KIAA1217: variants seen among roughly 807,000 people sequenced by gnomAD.
The protein encoded by KIAA1217 is KIAA1217.
A neutral mutation model predicts 163.9 loss-of-function variants in KIAA1217; 88 were observed. That is an observed-to-expected ratio of 0.54 (90% CI 0.45 to 0.64). The LOEUF is 0.64. KIAA1217 is among the 30% of genes least tolerant of loss of function. KIAA1217 has a pLI of 0.00. For missense variants in KIAA1217, 2,372 were observed against 2,475.0 expected (o/e 0.96, Z 0.88); for synonymous variants, 903 against 923.1 (o/e 0.98, Z 0.39).
At chr10:23,810,581 AAT>A (rs1207841293) in intron 1 of KIAA1217, among the ~76,000 whole-genome samples, 9 of 128,754 alleles carry the variant, frequency 7.0e-5, no homozygotes, top group South Asian at 2.4e-4. Flanking sequence ...ATCTATATAT[AAT>A]ATATATAGTG....
intron 2 of KIAA1217, among the ~76,000 whole-genome samples, chr10:24,047,414 A>C (rs1009825914): frequency 3.3e-5 from 5 of 152,180 alleles, no homozygotes; most frequent in Non-Finnish European, 7.3e-5. Context: ...AAAGAATAAT[A>C]ATATGTGGTT....
chr10:24,014,503 C>A (rs1046243763), intron 2 of KIAA1217, among the ~76,000 whole-genome samples: 2 of 152,068 alleles, frequency 1.3e-5, no homozygotes, highest in African/African-American at 2.4e-5. Context: ...GCTCCTCTAT[C>A]GTTAGTCTGT....
chr10:24,368,960 T>A, intron 2 of KIAA1217: 1 of 722,586 alleles, frequency 1.4e-6, no homozygotes, highest in Non-Finnish European at 1.7e-6. Context: ...TTTATAAAAG[T>A]GAGAACCGAG....
At chr10:24,183,240 A>G (rs573285566) in intron 2 of KIAA1217, among the ~76,000 whole-genome samples, 14 of 152,166 alleles carry the variant, frequency 9.2e-5, no homozygotes, top group Middle Eastern at 3.4e-3. Flanking sequence ...AGCTAAATAA[A>G]CCTCTTTTCT....
intron 2 of KIAA1217, among the ~76,000 whole-genome samples, chr10:24,258,970 C>T (rs2075451449): frequency 6.6e-6 from 1 of 152,100 alleles, no homozygotes; most frequent in South Asian, 2.1e-4. Context: ...CCAGCAAGCT[C>T]TTTGTCCCTC....
intron 3 of KIAA1217, among the ~76,000 whole-genome samples, chr10:24,386,106 G>T (rs2053971913): frequency 6.6e-6 from 1 of 152,170 alleles, no homozygotes; most frequent in African/African-American, 2.4e-5. Context: ...AGATTCCTTT[G>T]TTGACCATAT....
intron 1 of KIAA1217, among the ~76,000 whole-genome samples, chr10:23,922,553 C>T (rs1842887405): frequency 6.6e-6 from 1 of 152,084 alleles, no homozygotes; most frequent in Non-Finnish European, 1.5e-5. Context: ...CCTGTGGGGT[C>T]TGTGCTAACT....
chr10:24,499,775 G>A (rs745499939), intron 8 of KIAA1217, among the ~76,000 whole-genome samples: 6 of 152,100 alleles, frequency 3.9e-5, no homozygotes, highest in African/African-American at 9.6e-5. Flanking sequence ...GCTCGCTATC[G>A]GGTCTCCTGG....
At chr10:23,750,443 T>G (rs2130831984) in intron 1 of KIAA1217, among the ~76,000 whole-genome samples, 1 of 152,322 alleles carries the variant, frequency 6.6e-6, no homozygotes, top group East Asian at 1.9e-4. Flanking sequence ...AAACAGCCTT[T>G]TTCTTACCTC....
intron 2 of KIAA1217, among the ~76,000 whole-genome samples, chr10:24,344,532 T>C (rs577496728): frequency 7.9e-5 from 12 of 152,342 alleles, no homozygotes; most frequent in Middle Eastern, 3.4e-3. Context: ...GACCTTATTA[T>C]TGGGGAATGT....
chr10:24,006,861 G>A (rs1847021991), intron 1 of KIAA1217, among the ~76,000 whole-genome samples: 1 of 152,162 alleles, frequency 6.6e-6, no homozygotes, highest in African/African-American at 2.4e-5. Context: ...GTCTGCAATG[G>A]TTCAGCTTTT....
chr10:23,719,793 C>G (rs1209113374), intron 1 of KIAA1217, among the ~76,000 whole-genome samples: 1 of 151,364 alleles, frequency 6.6e-6, no homozygotes, highest in Non-Finnish European at 1.5e-5. Flanking sequence ...TGGTGCATGC[C>G]TGTAGTCCCA....
intron 1 of KIAA1217, among the ~76,000 whole-genome samples, chr10:24,215,026 TGAG>T (rs1196926801): frequency 1.3e-5 from 2 of 152,210 alleles, no homozygotes; most frequent in African/African-American, 4.8e-5. Flanking sequence ...GCTTTCTCCT[TGAG>T]GAGGCCCCAT....
In KIAA1217 at chr10:24,509,972, G is replaced by T. The variant is rs539033644; in HGVS notation, c.2002-3287G>T. Among the ~76,000 whole-genome samples the T allele has an allele frequency of 1.3e-4, 20 of 152,130 alleles. No individual in the cohort carries two copies. The South Asian group carries it at 2.5e-3, about 19-fold the overall frequency. On this transcript the variant is annotated intron_variant, in intron 9 of 20. Coordinates refer to ENST00000376454, the MANE Select transcript of KIAA1217 (RefSeq NM_019590.5). ...AAGGGGTTGGTCTTGCTGTCTCAGG[G>T]GTGGCAGAAGAGGAAGGAAATCTAC... is the stretch of plus-strand genomic sequence containing the variant.
At chr10:23,932,644 G>A (rs548948471) in intron 1 of KIAA1217, among the ~76,000 whole-genome samples, 9 of 152,174 alleles carry the variant, frequency 5.9e-5, no homozygotes, top group African/African-American at 2.4e-5. Context: ...TAATATTTTA[G>A]CATCATCTTA....
chr10:24,360,208 G>T (rs984875956), intron 2 of KIAA1217, among the ~76,000 whole-genome samples: 2 of 151,578 alleles, frequency 1.3e-5, no homozygotes, highest in African/African-American at 4.8e-5. Flanking sequence ...CACCATACCC[G>T]GCTAATTCTT....
intron 1 of KIAA1217, among the ~76,000 whole-genome samples, chr10:23,818,724 T>C (rs1837482477): frequency 1.3e-5 from 2 of 152,148 alleles, no homozygotes; most frequent in Admixed American, 1.3e-4. Flanking sequence ...GCCTTGGCAA[T>C]AATTTGTCCT....
rs569769188 is a variant in KIAA1217, at chr10:24,176,566, G to A, written c.-170-43060G>A. Among the ~76,000 whole-genome samples, 6 of 150,302 alleles carry A rather than the reference G, an allele frequency of 4.0e-5. No homozygotes were observed. The South Asian group carries it at 6.4e-4, about 16-fold the overall frequency. ...GCTGATTGGTGCATCCATGAACCCC[G>A]AGCTAGACACAGAGTGCTGATTGGT... On this transcript the variant is annotated intron_variant, in intron 2 of 18. Coordinates refer to the KIAA1217 transcript ENST00000376462.
chr10:24,324,188 A>C (rs972893436), intron 2 of KIAA1217, among the ~76,000 whole-genome samples: 4 of 152,140 alleles, frequency 2.6e-5, no homozygotes, highest in Admixed American at 2.6e-4. Flanking sequence ...GGATTGCTTG[A>C]GCCCAGGAGG....
Sources: allele counts gnomAD v4.1 joint callset (sites outside exome capture counted in the v4.1 genomes callset), GRCh38; gene constraint gnomAD v4.1.1; transcripts MANE v1.5; gene names NCBI Gene and HGNC (gene_info 2026-07-23, HGNC 2026-07-21).